Variants in HDAC9 observed in about 807,000 individuals in gnomAD.
The protein encoded by HDAC9 is histone deacetylase 9, also known as MEF-2 interacting transcription repressor (MITR) protein.
Under a neutral mutation model 139.4 loss-of-function variants are expected in HDAC9, and 41 were observed. That is an observed-to-expected ratio of 0.29 (90% CI 0.23 to 0.38). The LOEUF is 0.38. Among genes scored for constraint, HDAC9 ranks in the 10% least tolerant of loss-of-function variants. The pLI is 1.00. For missense variants in HDAC9, 1,147 were observed against 1,297.0 expected, an observed-to-expected ratio of 0.88 and a Z score of 1.78; for synonymous variants, 517 against 476.2, an observed-to-expected ratio of 1.09 and a Z score of -1.12.
intron 1 of HDAC9, among the ~76,000 whole-genome samples, chr7:18,321,659 A>G (rs1037568311): frequency 2.0e-5 from 3 of 152,220 alleles, no homozygotes; most frequent in African/African-American, 7.2e-5. Flanking sequence ...AAGAAGGTTC[A>G]AATTCCTGTC....
intron 13 of HDAC9, among the ~76,000 whole-genome samples, chr7:18,732,924 C>CAT (rs1491315099): frequency 8.6e-6 from 1 of 116,808 alleles, no homozygotes; most frequent in Admixed American, 7.8e-5. Context: ...TGTATACACA[C>CAT]GTGTGTATGT....
intron 1 of HDAC9, among the ~76,000 whole-genome samples, chr7:18,099,305 C>A (rs1347924432): frequency 1.3e-5 from 2 of 151,690 alleles, no homozygotes; most frequent in African/African-American, 4.8e-5. Context: ...ACTAAAAATA[C>A]AAAAAAGAAA....
chr7:18,591,317 A>C (rs183140220), intron 4 of HDAC9, among the ~76,000 whole-genome samples, 199 bp from the exon 5 acceptor site: 1 of 152,282 alleles, frequency 6.6e-6, no homozygotes, highest in East Asian at 1.9e-4. Flanking sequence ...ATAAAGCATT[A>C]CTGTACTATT....
chr7:18,839,272 A>G (rs1244676681), intron 21 of HDAC9, among the ~76,000 whole-genome samples: 3 of 152,056 alleles, frequency 2.0e-5, no homozygotes, highest in Non-Finnish European at 2.9e-5. Flanking sequence ...AGTGCTTTAT[A>G]TAAGTCACGG....
chr7:18,695,679 C>G (rs912432252), intron 12 of HDAC9, among the ~76,000 whole-genome samples: 3 of 152,074 alleles, frequency 2.0e-5, no homozygotes, highest in Non-Finnish European at 2.9e-5. Context: ...TGAGAATGAA[C>G]GGGTGGTTTA....
chr7:18,712,436 A>G (rs181398832), intron 12 of HDAC9, among the ~76,000 whole-genome samples: 1,736 of 152,338 alleles, frequency 0.011, 11 homozygotes, highest in Non-Finnish European at 0.018. Flanking sequence ...CTGCAAGTTT[A>G]CAATAATTCC....
intron 2 of HDAC9, among the ~76,000 whole-genome samples, chr7:18,214,027 A>G (rs1792126091): frequency 6.6e-6 from 1 of 152,102 alleles, no homozygotes; most frequent in African/African-American, 2.4e-5. Flanking sequence ...TCATTATAAT[A>G]GTAGCTACAG....
intron 1 of HDAC9, among the ~76,000 whole-genome samples, chr7:18,102,175 A>G (rs1023072306): frequency 3.9e-5 from 6 of 152,238 alleles, no homozygotes; most frequent in Non-Finnish European, 7.3e-5. Flanking sequence ...GCTATAGTGA[A>G]TACATCTTGT....
chr7:18,768,052 C>T (rs529403186), intron 16 of HDAC9, among the ~76,000 whole-genome samples: 1 of 152,190 alleles, frequency 6.6e-6, no homozygotes, highest in South Asian at 2.1e-4. Context: ...TGAGTTGTAG[C>T]CTTTTGTTCC....
At chr7:18,711,054 T>A (rs948540022) in intron 12 of HDAC9, among the ~76,000 whole-genome samples, 3 of 152,220 alleles carry the variant, frequency 2.0e-5, no homozygotes, top group Admixed American at 6.5e-5. Flanking sequence ...TCTGGATGCC[T>A]AGAATATGTT....
intron 2 of HDAC9, among the ~76,000 whole-genome samples, chr7:18,239,352 A>G (rs996689223): frequency 6.6e-6 from 1 of 152,200 alleles, no homozygotes; most frequent in East Asian, 1.9e-4. Flanking sequence ...CTCTTGTCTG[A>G]CATTCTGACT....
chr7:18,990,996 A>C (rs1472527463), intron 25 of HDAC9, among the ~76,000 whole-genome samples: 2 of 152,086 alleles, frequency 1.3e-5, no homozygotes, highest in African/African-American at 4.8e-5. Flanking sequence ...TGCAGAAATC[A>C]CCCGTCTTCT....
At chr7:18,191,507 C>T (rs997317491) in intron 2 of HDAC9, among the ~76,000 whole-genome samples, 1 of 152,150 alleles carries the variant, frequency 6.6e-6, no homozygotes, top group Non-Finnish European at 1.5e-5. Flanking sequence ...GAATATCATT[C>T]TTTGTTTCAA....
At chr7:18,273,074 T>G (rs144215149) in intron 2 of HDAC9, among the ~76,000 whole-genome samples, 43,379 of 117,452 alleles carry the variant, frequency 0.37, 8,902 homozygotes, top group Admixed American at 0.51. Flanking sequence ...TTTTTTTTTT[T>G]TTTTTTTTTG....
At chr7:18,367,251 C>A (rs1784255179) in intron 1 of HDAC9, among the ~76,000 whole-genome samples, 1 of 151,948 alleles carries the variant, frequency 6.6e-6, no homozygotes. Context: ...TAGAGAAGGC[C>A]AGTTGATATG....
intron 17 of HDAC9, among the ~76,000 whole-genome samples, chr7:18,828,301 G>A (rs1795602792): frequency 6.6e-6 from 1 of 152,296 alleles, no homozygotes; most frequent in Middle Eastern, 3.4e-3. Context: ...CCATAGTTGA[G>A]TGAAAGGTGG....
chr7:18,762,071 T>C (rs76617418), intron 14 of HDAC9, 86 bp from the exon 15 acceptor site: 1 of 1,394,698 alleles, frequency 7.2e-7, no homozygotes, highest in Admixed American at 1.8e-5. Flanking sequence ...CAGCCCATTA[T>C]TAATCATCTT....
intron 1 of HDAC9, among the ~76,000 whole-genome samples, chr7:18,103,274 G>A (rs1302601431): frequency 6.6e-6 from 1 of 152,156 alleles, no homozygotes; most frequent in Non-Finnish European, 1.5e-5. Context: ...AATTCAGGGT[G>A]AGATTTGGTT....
chr7:18,634,493 C>G, intron 7 of HDAC9, 134 bp from the exon 8 acceptor site: 9 of 591,758 alleles, frequency 1.5e-5, no homozygotes, highest in Non-Finnish European at 1.8e-5. Flanking sequence ...ATTTTTAGTT[C>G]TTTCTATTTT....
Sources: allele counts gnomAD v4.1 joint callset (sites outside exome capture counted in the v4.1 genomes callset), GRCh38; gene constraint gnomAD v4.1.1; transcripts MANE v1.5; gene names NCBI Gene and HGNC (gene_info 2026-07-23, HGNC 2026-07-21).